The following OVOL2 variants were observed in gnomAD, a reference collection of about 807,000 sequenced individuals.
The protein encoded by OVOL2 is transcription factor Ovo-like 2.
Under a neutral mutation model 18.1 loss-of-function variants are expected in OVOL2, and 13 were observed. The ratio of observed to expected loss-of-function variants is 0.72; its 90% CI spans 0.47 to 1.14. OVOL2 has a LOEUF of 1.14. Ranked by LOEUF, OVOL2 falls within the 50% of genes most tolerant of loss-of-function variation. The probability of loss-of-function intolerance (pLI) is 0.00; values close to 1 mark genes in which losing one functional copy is unlikely to be tolerated. For synonymous variants in OVOL2, 166 were observed against 162.7 expected, an observed-to-expected ratio of 1.02 and a Z score of -0.16; for missense variants, 335 against 383.0, an observed-to-expected ratio of 0.87 and a Z score of 1.05.
intron 2 of OVOL2, among the ~76,000 whole-genome samples, chr20:18,049,754 G>A (rs1276864473): frequency 1.3e-5 from 2 of 152,156 alleles, no homozygotes; most frequent in African/African-American, 2.4e-5. Context: ...AATGTGGTCC[G>A]TCATCTGCAA....
intron 2 of OVOL2, among the ~76,000 whole-genome samples, chr20:18,054,361 G>A (rs550143941): frequency 1.6e-4 from 25 of 152,318 alleles, no homozygotes; most frequent in Non-Finnish European, 3.4e-4. Context: ...GCACACCCCA[G>A]GTGTTAGACG....
chr20:18,040,529 G>T (rs2036658688), intron 3 of OVOL2, among the ~76,000 whole-genome samples: 1 of 152,224 alleles, frequency 6.6e-6, no homozygotes, highest in Non-Finnish European at 1.5e-5. Context: ...CAGGGAAGTA[G>T]AGTCCTTAGA....
intron 3 of OVOL2, among the ~76,000 whole-genome samples, chr20:18,029,350 A>G (rs1216053045): frequency 1.3e-5 from 2 of 152,172 alleles, no homozygotes. Context: ...TTTAAGATTA[A>G]TAAATATATG....
At chr20:18,052,142 G>C (rs773533559) in intron 2 of OVOL2, among the ~76,000 whole-genome samples, 10 of 152,220 alleles carry the variant, frequency 6.6e-5, no homozygotes, top group Admixed American at 1.3e-4. Flanking sequence ...CTAGGGGACT[G>C]AGAAACATTA....
intron 3 of OVOL2, among the ~76,000 whole-genome samples, chr20:18,030,701 G>T (rs911607911): frequency 1.3e-5 from 2 of 152,210 alleles, no homozygotes; most frequent in Admixed American, 1.3e-4. Flanking sequence ...ATTAGAGCCT[G>T]GCTTGGAAGA....
chr20:18,057,586 G>C lies in OVOL2; in HGVS notation c.49C>G (p.Arg17Gly). ...TCATCCGGGAGCTCATCCCAGCTGCGGACCGAGACCCCCAGGCTCCTCCTC... is the reference window on the plus strand; with the variant it reads ...TCATCCGGGAGCTCATCCCAGCTGCCGACCGAGACCCCCAGGCTCCTCCTC... ...VKRRSLGVSV[R>G]SWDELPDEKR... Residue 17 changes from arginine (R) to glycine (G), a missense_variant, in exon 1 of 4, where the codon CGC (arginine) becomes GGC (glycine). Physicochemically the swap from Arg to Gly is moderately radical, Grantham distance 125. Coordinates refer to ENST00000278780, the MANE Select transcript of OVOL2 (RefSeq NM_021220.4). This position sits in a 1 kb window ranked among gnomAD's most constrained non-coding sequence, Gnocchi z 6.3. 1.3e-6 allele frequency: 2 copies of C among 1,598,022 alleles called. No individual in the cohort carries two copies. Among genetic ancestry groups the C allele is most frequent in the Non-Finnish European group, 8.5e-7 (1 of 1,172,234 alleles).
chr20:18,030,870 C>G (rs1235910777), intron 3 of OVOL2, among the ~76,000 whole-genome samples: 1 of 152,152 alleles, frequency 6.6e-6, no homozygotes, highest in Non-Finnish European at 1.5e-5. Flanking sequence ...TTCACTGGTG[C>G]GGGCACTGCC....
intron 3 of OVOL2, among the ~76,000 whole-genome samples, chr20:18,027,343 C>T (rs1247480568): frequency 6.6e-6 from 1 of 151,976 alleles, no homozygotes; most frequent in African/African-American, 2.4e-5. Flanking sequence ...GCCTGGCCAA[C>T]ATGGCGAAAC....
At chr20:18,042,773 CT>C (rs1485802278) in intron 2 of OVOL2, among the ~76,000 whole-genome samples, 4 of 77,790 alleles carry the variant, frequency 5.1e-5, no homozygotes, top group Non-Finnish European at 2.3e-5. Flanking sequence ...AAAACTCCGT[CT>C]CAAAAAAAAA....
intron 3 of OVOL2, among the ~76,000 whole-genome samples, chr20:18,029,382 G>A (rs142349017): frequency 1.4e-4 from 22 of 152,288 alleles, no homozygotes; most frequent in African/African-American, 5.1e-4. Flanking sequence ...TGTTGCCTGA[G>A]CAGGAGAATT....
At chr20:18,026,147 C>T (rs370260695) in intron 3 of OVOL2, among the ~76,000 whole-genome samples, 8 of 152,220 alleles carry the variant, frequency 5.3e-5, no homozygotes, top group East Asian at 1.9e-4. Context: ...CTCATCAAAG[C>T]ATTGCCGCTC....
chr20:18,029,805 C>G (rs1424406369), intron 3 of OVOL2, among the ~76,000 whole-genome samples: 2 of 151,884 alleles, frequency 1.3e-5, no homozygotes, highest in Non-Finnish European at 2.9e-5. Context: ...TGGGGAGATC[C>G]CTGTCTTTAC....
chr20:18,026,180 C>T (rs2036513501), intron 3 of OVOL2, among the ~76,000 whole-genome samples: 1 of 152,170 alleles, frequency 6.6e-6, no homozygotes, highest in Non-Finnish European at 1.5e-5. Flanking sequence ...TTGGTACTCA[C>T]CCTGATGTGT....
chr20:18,032,384 G>C (rs73094958), intron 3 of OVOL2, among the ~76,000 whole-genome samples: 17,637 of 148,876 alleles, frequency 0.12, 1,161 homozygotes, highest in South Asian at 0.21. Flanking sequence ...GAAGGAGGAA[G>C]GAAGGAAGGA....
intron 3 of OVOL2, among the ~76,000 whole-genome samples, chr20:18,026,438 G>T (rs6080943): frequency 1.3e-5 from 2 of 148,414 alleles, no homozygotes; most frequent in Non-Finnish European, 1.5e-5. Context: ...TTGGAGTGCA[G>T]TGGCGCAATC....
At chr20:18,035,866 T>A (rs959930250) in intron 3 of OVOL2, among the ~76,000 whole-genome samples, 1 of 152,220 alleles carries the variant, frequency 6.6e-6, no homozygotes. Flanking sequence ...AAATGCAAGC[T>A]GCTTTATAAG....
At chr20:18,037,423 G>A (rs986297730) in intron 3 of OVOL2, among the ~76,000 whole-genome samples, 1 of 152,252 alleles carries the variant, frequency 6.6e-6, no homozygotes, top group Non-Finnish European at 1.5e-5. Flanking sequence ...CCGGAGGCCT[G>A]GCATGAAGGA....
intron 2 of OVOL2, among the ~76,000 whole-genome samples, chr20:18,045,488 A>C (rs951101674): frequency 6.6e-6 from 1 of 152,200 alleles, no homozygotes; most frequent in Admixed American, 6.5e-5. Flanking sequence ...CTTCTATTGC[A>C]GTCTAGAATG....
At chr20:18,040,008 T>A (rs562572518) in intron 3 of OVOL2, among the ~76,000 whole-genome samples, 90 of 152,174 alleles carry the variant, frequency 5.9e-4, no homozygotes, top group African/African-American at 2.1e-3. Context: ...CACTGCAGCC[T>A]CAAACTCCTA....
Sources: gnomAD v4.1 joint callset for allele counts (sites outside exome capture counted in the v4.1 genomes callset) on GRCh38, gnomAD v4.1.1 for gene constraint, Gnocchi (gnomAD v3.1) non-coding constraint, MANE v1.5 for transcripts, NCBI Gene and HGNC (gene_info 2026-07-23, HGNC 2026-07-21) for gene names.